Variants in DGLUCY observed in about 807,000 individuals in gnomAD.
The protein encoded by DGLUCY is D-glutamate cyclase, mitochondrial.
A neutral mutation model predicts 58.5 loss-of-function variants in DGLUCY; 58 were observed. The observed-to-expected ratio is 0.99, with a 90% CI of 0.80 to 1.23. DGLUCY has a LOEUF of 1.23. Ranked by LOEUF, DGLUCY falls within the 50% of genes most tolerant of loss-of-function variation. DGLUCY has a pLI of 0.00. For missense variants in DGLUCY, 779 were observed against 784.7 expected (o/e 0.99, Z 0.09); for synonymous variants, 325 against 314.1 (o/e 1.03, Z -0.37).
At chr14:91,190,030 C>A (rs1443909066) in intron 9 of DGLUCY, among the ~76,000 whole-genome samples, 1 of 138,936 alleles carries the variant, frequency 7.2e-6, no homozygotes, top group Non-Finnish European at 1.5e-5. Flanking sequence ...CTCTGTCGCC[C>A]AGGCTGGAGT....
At chr14:91,085,713 G>A (rs1016971088) in intron 1 of DGLUCY, among the ~76,000 whole-genome samples, 5 of 152,128 alleles carry the variant, frequency 3.3e-5, no homozygotes, top group African/African-American at 1.2e-4. Flanking sequence ...GGGATCACAG[G>A]CGTGCACCAC....
intron 1 of DGLUCY, among the ~76,000 whole-genome samples, chr14:91,156,910 G>T (rs1479671451): frequency 6.6e-5 from 10 of 152,182 alleles, no homozygotes; most frequent in Non-Finnish European, 2.9e-5. Context: ...AGAGGCTCTG[G>T]CCCTAAAATC....
chr14:91,202,372 G>A (rs1272624689), intron 11 of DGLUCY, among the ~76,000 whole-genome samples: 1 of 152,134 alleles, frequency 6.6e-6, no homozygotes, highest in East Asian at 1.9e-4. Context: ...AGGCCCTGGG[G>A]TAATGAAGAC....
At chr14:91,077,744 C>G (rs1210008603) in intron 1 of DGLUCY, among the ~76,000 whole-genome samples, 1 of 131,708 alleles carries the variant, frequency 7.6e-6, no homozygotes, top group African/African-American at 2.9e-5. Context: ...GAGCGAGACT[C>G]TGTCTCAAAA....
At chr14:91,097,569 A>G (rs949987176) in intron 1 of DGLUCY, among the ~76,000 whole-genome samples, 2 of 152,186 alleles carry the variant, frequency 1.3e-5, no homozygotes, top group Non-Finnish European at 2.9e-5. Context: ...CTCCAAAAAC[A>G]GTTCAACACA....
chr14:91,092,795 T>C (rs2044334828), intron 1 of DGLUCY, among the ~76,000 whole-genome samples: 1 of 152,182 alleles, frequency 6.6e-6, no homozygotes, highest in South Asian at 2.1e-4. Flanking sequence ...ATTTAAGATA[T>C]TTTGTGGGCC....
At chr14:91,120,027 A>G (rs2045252559) in intron 1 of DGLUCY, among the ~76,000 whole-genome samples, 1 of 152,058 alleles carries the variant, frequency 6.6e-6, no homozygotes, top group Non-Finnish European at 1.5e-5. Flanking sequence ...TGGGACTTGG[A>G]TTGGCTTCCC....
At chr14:91,151,704 G>T (rs1412278648) in intron 1 of DGLUCY, among the ~76,000 whole-genome samples, 1 of 149,468 alleles carries the variant, frequency 6.7e-6, no homozygotes, top group Non-Finnish European at 1.5e-5. Context: ...ACCCAGGCTG[G>T]AGTGCAGTGG....
chr14:91,064,414 T>G (rs2043784850), intron 1 of DGLUCY, among the ~76,000 whole-genome samples: 1 of 151,760 alleles, frequency 6.6e-6, no homozygotes. Context: ...GCAGATCGCT[T>G]GAATTCAAGA....
chr14:91,146,364 CT>C (rs2047012998), intron 1 of DGLUCY, among the ~76,000 whole-genome samples: 1 of 152,208 alleles, frequency 6.6e-6, no homozygotes, highest in Non-Finnish European at 1.5e-5. Flanking sequence ...CCTTGTGGAT[CT>C]TTCCCTGAGC....
chr14:91,189,978 CTTTTTTTTTT>C (rs55652724), intron 9 of DGLUCY, among the ~76,000 whole-genome samples: 8 of 81,024 alleles, frequency 9.9e-5, no homozygotes, highest in African/African-American at 4.0e-4. Flanking sequence ...CTGTTAGGTT[CTTTTTTTTTT>C]TTTTTTTTTT....
intron 9 of DGLUCY, chr14:91,189,838 G>A (rs1222449223): frequency 6.5e-6 from 1 of 153,306 alleles, no homozygotes; most frequent in African/African-American, 2.4e-5. Context: ...ATTCAAAAAG[G>A]GCTTTAAACT....
At chr14:91,164,473 C>T (rs1163394029) in intron 3 of DGLUCY, among the ~76,000 whole-genome samples, 1 of 152,148 alleles carries the variant, frequency 6.6e-6, no homozygotes, top group African/African-American at 2.4e-5. Flanking sequence ...TTGTAGTCCT[C>T]TGTTTTGGGA....
At chr14:91,209,732 A>C (rs2140680653) in intron 12 of DGLUCY, among the ~76,000 whole-genome samples, 1 of 152,296 alleles carries the variant, frequency 6.6e-6, no homozygotes, top group African/African-American at 2.4e-5. Flanking sequence ...AAAATAAAAC[A>C]GAAAGCAAAA....
At chr14:91,172,769 C>G (rs1044442991) in intron 5 of DGLUCY, among the ~76,000 whole-genome samples, 1 of 152,102 alleles carries the variant, frequency 6.6e-6, no homozygotes, top group African/African-American at 2.4e-5. Flanking sequence ...GCCTCAGCCT[C>G]CCGAGTAGCT....
At chr14:91,146,724 G>A (rs1001788965) in intron 1 of DGLUCY, among the ~76,000 whole-genome samples, 3 of 152,140 alleles carry the variant, frequency 2.0e-5, no homozygotes, top group African/African-American at 7.2e-5. Context: ...ATGGAAGGGG[G>A]CCCATGAGAG....
chr14:91,135,785 A>G (rs1391552982), intron 1 of DGLUCY, among the ~76,000 whole-genome samples: 2 of 151,692 alleles, frequency 1.3e-5, no homozygotes, highest in Non-Finnish European at 2.9e-5. Flanking sequence ...ATTAAATGCT[A>G]CTAATTTTTT....
chr14:91,219,740 G>T (rs759548477), intron 13 of DGLUCY, among the ~76,000 whole-genome samples: 1 of 152,196 alleles, frequency 6.6e-6, no homozygotes, highest in South Asian at 2.1e-4. Context: ...GTACTTGAGG[G>T]CAAGCATTCC....
intron 1 of DGLUCY, among the ~76,000 whole-genome samples, chr14:91,063,250 CTT>C (rs780078383): frequency 5.6e-5 from 8 of 142,344 alleles, no homozygotes; most frequent in Non-Finnish European, 9.2e-5. Flanking sequence ...CACAGGAAGA[CTT>C]TTTTTTTTTT....
Sources: allele counts gnomAD v4.1 joint callset (sites outside exome capture counted in the v4.1 genomes callset), GRCh38; gene constraint gnomAD v4.1.1; transcripts MANE v1.5; gene names NCBI Gene and HGNC (gene_info 2026-07-23, HGNC 2026-07-21).